Variants in DOCK10 observed in about 807,000 individuals in gnomAD.
DOCK10 encodes the protein dedicator of cytokinesis 10, also known as dedicator of cytokinesis protein 10.
DOCK10 carries 145 observed loss-of-function variants against 280.1 expected under a neutral mutation model. That is an observed-to-expected ratio of 0.52 (90% CI 0.45 to 0.59). The LOEUF is 0.59. DOCK10 is among the 20% of genes least tolerant of loss of function. The pLI is 0.00. For missense variants in DOCK10, 2,368 were observed against 2,651.7 expected (o/e 0.89, Z 2.35); for synonymous variants, 915 against 942.2 (o/e 0.97, Z 0.53).
intron 47 of DOCK10, among the ~76,000 whole-genome samples, chr2:224,791,524 G>T (rs1302686691): frequency 2.0e-5 from 3 of 151,622 alleles, no homozygotes; most frequent in Non-Finnish European, 2.9e-5. Flanking sequence ...GAGTGCAGTG[G>T]CGTGATCTCA....
intron 11 of DOCK10, among the ~76,000 whole-genome samples, chr2:224,869,765 T>G (rs1698150539): frequency 6.6e-6 from 1 of 152,134 alleles, no homozygotes; most frequent in Non-Finnish European, 1.5e-5. Flanking sequence ...CTGGGGAGAT[T>G]GGCCCAAATA....
chr2:225,000,451 A>G (rs1706402224), intron 1 of DOCK10, among the ~76,000 whole-genome samples: 1 of 152,214 alleles, frequency 6.6e-6, no homozygotes, highest in Non-Finnish European at 1.5e-5. Flanking sequence ...GTTCTCTAGC[A>G]AAGGAAGAAA....
At chr2:224,850,164 A>G (rs944757181) in intron 18 of DOCK10, among the ~76,000 whole-genome samples, 4 of 152,216 alleles carry the variant, frequency 2.6e-5, no homozygotes, top group African/African-American at 7.2e-5. Flanking sequence ...CCATAAAGGT[A>G]GAAGCCCTAA....
Position 224,870,563 on chromosome 2 carries a change from T to C in DOCK10, c.1257+3433A>G, listed in dbSNP as rs145198825. Among the ~76,000 whole-genome samples, 929 of 152,260 alleles carry C rather than the reference T, an allele frequency of 6.1e-3. 10 individuals carry two copies. The highest frequency in any genetic ancestry group is 0.02 in the African/African-American group (820 of 41,532). ...TTTCACTTCATGTTCCTCAGCTTCT[T>C]GGCACCAATCCCATAGCTACCCATT... On this transcript the variant is annotated intron_variant, in intron 11 of 55. Coordinates refer to ENST00000258390, the MANE Select transcript of DOCK10 (RefSeq NM_014689.3).
At chr2:224,950,004 G>GAGCT (rs1248179604) in intron 1 of DOCK10, among the ~76,000 whole-genome samples, 1 of 152,172 alleles carries the variant, frequency 6.6e-6, no homozygotes, top group African/African-American at 2.4e-5. Flanking sequence ...TAGAAGTCAG[G>GAGCT]AGCTAGTTCA....
At chr2:224,896,434 C>A (rs769839979) in intron 3 of DOCK10, 57 bp from the exon 4 acceptor site, 16 of 1,140,986 alleles carry the variant, frequency 1.4e-5, no homozygotes, top group Admixed American at 2.3e-5. Context: ...AAAGGCTGGG[C>A]GCGGTGGCGC....
chr2:224,921,112 A>AAAAAAATATATATATATAT, intron 2 of DOCK10, among the ~76,000 whole-genome samples: 12 of 54,408 alleles, frequency 2.2e-4, no homozygotes, highest in African/African-American at 6.3e-4. Flanking sequence ...AAAAAAAAAA[A>AAAAAAATATATATATATAT]ATATATATAT....
intron 1 of DOCK10, among the ~76,000 whole-genome samples, chr2:224,996,809 A>T (rs1706284350): frequency 6.6e-6 from 1 of 152,174 alleles, no homozygotes; most frequent in South Asian, 2.1e-4. Context: ...TCAGGGTGAA[A>T]GGAGATGCAG....
chr2:224,874,562 TC>T, intron 9 of DOCK10, 103 bp downstream of exon 9: 1 of 1,188,544 alleles, frequency 8.4e-7, no homozygotes. Context: ...CAAATTAGCT[TC>T]TTGGTCTAAA....
chr2:224,857,109 A>G (rs1697199742), intron 14 of DOCK10, 127 bp from the exon 15 acceptor site: 1 of 777,960 alleles, frequency 1.3e-6, no homozygotes, highest in Admixed American at 3.8e-5. Flanking sequence ...TAAAATAAAA[A>G]GACCAAAAAC....
intron 1 of DOCK10, chr2:224,946,838 G>T (rs758592117): frequency 2.8e-5 from 42 of 1,512,118 alleles, no homozygotes; most frequent in Middle Eastern, 1.7e-4. Context: ...TTGACATTTG[G>T]ATACCTACAG....
chr2:224,946,083 A>C (rs1043005039), intron 1 of DOCK10, among the ~76,000 whole-genome samples: 2 of 152,228 alleles, frequency 1.3e-5, no homozygotes, highest in Non-Finnish European at 2.9e-5. Context: ...TTTAACATAC[A>C]AAGTGGGCCC....
At chr2:224,821,524 C>A (rs1694503089) in intron 28 of DOCK10, among the ~76,000 whole-genome samples, 2 of 151,988 alleles carry the variant, frequency 1.3e-5, no homozygotes, top group African/African-American at 4.8e-5. Context: ...CTTTTCCTTT[C>A]TTTTTTTTCT....
intron 3 of DOCK10, among the ~76,000 whole-genome samples, chr2:224,905,918 C>G (rs138745449): frequency 2.9e-4 from 44 of 152,202 alleles, no homozygotes; most frequent in Middle Eastern, 3.4e-3. Context: ...GCATACTCTT[C>G]CAGGTTTAAA....
chr2:224,888,047 C>T (rs1347971592), intron 4 of DOCK10, among the ~76,000 whole-genome samples: 3 of 152,162 alleles, frequency 2.0e-5, no homozygotes, highest in Non-Finnish European at 2.9e-5. Context: ...TATGACCCAG[C>T]AATTCCTCCT....
rs1200001360 is a variant in DOCK10 at position 225,042,219 on chromosome 2, C to T, written c.123+33G>A. 1.6e-6 allele frequency: 2 copies of T among 1,236,998 alleles called. No homozygotes were observed. The highest frequency in any genetic ancestry group is 1.6e-5 in the African/African-American group (1 of 63,658). The allele number at this position is 1,236,998 out of a possible 1,614,324, so 76.6% of individuals were successfully genotyped here. On this transcript the variant is annotated intron_variant, in intron 1 of 55. Coordinates refer to ENST00000258390, the MANE Select transcript of DOCK10 (RefSeq NM_014689.3). The surrounding 1 kb of genome is among the most constrained non-coding windows in gnomAD (Gnocchi z 5.1). The stretch of plus-strand genomic sequence containing the variant: ...CCGTTCCCCCCGGGCGCCTGGGGCG[C>T]GCGGGAAGGCGCGGAGGACGCGCCG...
rs768886621 is a variant in DOCK10 at position 224,770,321 on chromosome 2, G to C, written c.6334C>G (p.Leu2112Val). 1 of 1,605,190 alleles carries C rather than the reference G, an allele frequency of 6.2e-7. No homozygotes were observed. The highest frequency in any genetic ancestry group is 8.5e-7 in the Non-Finnish European group (1 of 1,176,386). The part of the protein sequence containing the change: ...RQFADACGQA[L>V]DVNERLIKED... ...TTGATGAGGCGCTCATTCACGTCAA[G>C]GGCCTGCCCACATGCATCTGCAAAT... Residue 2112 changes from leucine to valine, a missense_variant, in exon 55 of 56, where the codon CTT becomes GTT. Physicochemically the swap from Leu to Val is conservative, Grantham distance 32. This residue lies in a region of DOCK10 where 1,159 missense variants were observed against 1,400.8 expected (regional missense o/e 0.83). Coordinates refer to ENST00000258390, the MANE Select transcript of DOCK10 (RefSeq NM_014689.3). This position sits in a 1 kb window ranked among gnomAD's most constrained non-coding sequence, Gnocchi z 4.5.
At chr2:224,974,026 G>A (rs1705250808) in intron 1 of DOCK10, among the ~76,000 whole-genome samples, 1 of 152,168 alleles carries the variant, frequency 6.6e-6, no homozygotes. Flanking sequence ...ATTTGAGGAG[G>A]TGCGATGTCC....
chr2:225,027,348 G>A (rs571057916), intron 1 of DOCK10, among the ~76,000 whole-genome samples: 3 of 152,228 alleles, frequency 2.0e-5, no homozygotes, highest in South Asian at 2.1e-4. Context: ...TCCTTGGCCC[G>A]ATGACCACTG....
Sources: gnomAD v4.1 joint callset for allele counts (sites outside exome capture counted in the v4.1 genomes callset) on GRCh38, gnomAD v4.1.1 for gene constraint, gnomAD v4.1.1 regional missense constraint, Gnocchi (gnomAD v3.1) non-coding constraint, MANE v1.5 for transcripts, NCBI Gene and HGNC (gene_info 2026-07-23, HGNC 2026-07-21) for gene names.